The following DAB1 variants were observed in gnomAD, a reference collection of about 807,000 sequenced individuals.
The protein encoded by DAB1 is disabled homolog 1.
A neutral mutation model predicts 64.6 loss-of-function variants in DAB1; 15 were observed. That is an observed-to-expected ratio of 0.23 (90% CI 0.16 to 0.36). DAB1 has a LOEUF of 0.36. Ranked by LOEUF, DAB1 falls within the 10% of genes least tolerant of loss-of-function variation. The pLI, the probability that DAB1 is intolerant of heterozygous loss-of-function variation, is 1.00. For missense variants in DAB1, 596 were observed against 706.7 expected, an observed-to-expected ratio of 0.84 and a Z score of 1.78; for synonymous variants, 235 against 251.9, an observed-to-expected ratio of 0.93 and a Z score of 0.64.
At chr1:58,435,368 T>C (rs1469941778) in intron 3 of DAB1, among the ~76,000 whole-genome samples, 1 of 152,196 alleles carries the variant, frequency 6.6e-6, no homozygotes, top group Non-Finnish European at 1.5e-5. Flanking sequence ...CCTTACTCTA[T>C]ATGCTTTCCA....
chr1:57,650,290 G>A (rs1646241161), intron 6 of DAB1, among the ~76,000 whole-genome samples: 1 of 149,142 alleles, frequency 6.7e-6, no homozygotes, highest in African/African-American at 2.4e-5. Flanking sequence ...GGCTACAGGT[G>A]TGCCACCACG....
chr1:57,520,298 G>T (rs565342664), intron 7 of DAB1, among the ~76,000 whole-genome samples: 2 of 152,234 alleles, frequency 1.3e-5, no homozygotes, highest in Admixed American at 1.3e-4. Flanking sequence ...GATATTTACT[G>T]TCTCATTCTA....
intron 2 of DAB1, among the ~76,000 whole-genome samples, chr1:57,202,865 C>G (rs1382393297): frequency 6.6e-6 from 1 of 152,140 alleles, no homozygotes; most frequent in East Asian, 1.9e-4. Flanking sequence ...TGAACTTATC[C>G]CCTCTTCACA....
chr1:58,494,055 G>A (rs1416178653), intron 3 of DAB1, among the ~76,000 whole-genome samples: 1 of 152,034 alleles, frequency 6.6e-6, no homozygotes, highest in Non-Finnish European at 1.5e-5. Context: ...GCATGGTACT[G>A]GTACCAAAAC....
intron 1 of DAB1, among the ~76,000 whole-genome samples, chr1:57,332,704 A>T (rs888749318): frequency 1.3e-5 from 2 of 152,210 alleles, no homozygotes; most frequent in African/African-American, 4.8e-5. Context: ...AATGTACATG[A>T]GGCAGGGCTT....
At chr1:58,461,686 T>C (rs1009615394) in intron 3 of DAB1, among the ~76,000 whole-genome samples, 1 of 152,092 alleles carries the variant, frequency 6.6e-6, no homozygotes, top group Admixed American at 6.5e-5. Flanking sequence ...ACAATGGTGG[T>C]TCTACGAGCA....
intron 1 of DAB1, among the ~76,000 whole-genome samples, chr1:57,388,768 C>T (rs796688954): frequency 2.6e-5 from 4 of 152,146 alleles, no homozygotes; most frequent in African/African-American, 7.2e-5. Context: ...TCTTCTTATC[C>T]CTCTTGTTTA....
chr1:57,633,460 T>G (rs1570690946), intron 7 of DAB1, among the ~76,000 whole-genome samples: 1 of 152,238 alleles, frequency 6.6e-6, no homozygotes, highest in East Asian at 1.9e-4. Context: ...GGTGGGCAAG[T>G]GGATTGCAAG....
intron 6 of DAB1, among the ~76,000 whole-genome samples, chr1:57,763,447 G>A (rs773887641): frequency 3.9e-5 from 6 of 152,160 alleles, no homozygotes; most frequent in South Asian, 2.1e-4. Flanking sequence ...TGGGGCTGAG[G>A]CAGGAGGATC....
chr1:57,548,985 A>T (rs1035056296), intron 7 of DAB1, among the ~76,000 whole-genome samples: 4 of 152,204 alleles, frequency 2.6e-5, no homozygotes, highest in South Asian at 2.1e-4. Context: ...CTTTAATAAC[A>T]TGCCCAAATG....
At chr1:57,788,339 C>A (rs538158207) in intron 6 of DAB1, among the ~76,000 whole-genome samples, 1 of 152,104 alleles carries the variant, frequency 6.6e-6, no homozygotes, top group African/African-American at 2.4e-5. Context: ...TACCACCCAG[C>A]AATAAACAGG....
At chr1:57,999,034 A>G (rs2100398248) in intron 5 of DAB1, among the ~76,000 whole-genome samples, 1 of 152,320 alleles carries the variant, frequency 6.6e-6, no homozygotes, top group Admixed American at 6.5e-5. Context: ...CCTCTTCTTT[A>G]AAAATGGGAG....
intron 6 of DAB1, among the ~76,000 whole-genome samples, chr1:57,742,932 T>C (rs1279000836): frequency 6.6e-6 from 1 of 152,188 alleles, no homozygotes; most frequent in Non-Finnish European, 1.5e-5. Context: ...ACCCAAAGTA[T>C]GCCATACCCA....
intron 11 of DAB1, among the ~76,000 whole-genome samples, chr1:57,017,320 A>G (rs1646466511): frequency 1.3e-5 from 2 of 152,102 alleles, no homozygotes; most frequent in African/African-American, 2.4e-5. Context: ...GAGGCAGTGT[A>G]CCAGGAAAAA....
chr1:57,630,280 G>A (rs560280568), intron 7 of DAB1, among the ~76,000 whole-genome samples: 2 of 152,114 alleles, frequency 1.3e-5, no homozygotes, highest in African/African-American at 2.4e-5. Flanking sequence ...GATCTTGAGA[G>A]GTCATCTGGA....
chr1:57,562,429 C>T (rs1419428355), intron 7 of DAB1, among the ~76,000 whole-genome samples: 8 of 152,206 alleles, frequency 5.3e-5, no homozygotes, highest in Non-Finnish European at 1.2e-4. Flanking sequence ...ATGGAATTTA[C>T]AATTCACTGG....
intron 6 of DAB1, among the ~76,000 whole-genome samples, chr1:57,773,588 G>A (rs1430644183): frequency 6.6e-6 from 1 of 151,838 alleles, no homozygotes; most frequent in African/African-American, 2.4e-5. Flanking sequence ...CTACCCCAAG[G>A]TTATGAATAT....
intron 3 of DAB1, among the ~76,000 whole-genome samples, chr1:58,353,535 T>A (rs1201405562): frequency 1.3e-5 from 2 of 152,176 alleles, no homozygotes; most frequent in African/African-American, 4.8e-5. Context: ...TAGTTGTTTA[T>A]CGAGTTTAAA....
intron 6 of DAB1, among the ~76,000 whole-genome samples, chr1:57,732,171 A>G (rs1417425077): frequency 1.3e-5 from 2 of 150,622 alleles, no homozygotes; most frequent in African/African-American, 2.4e-5. Flanking sequence ...TCCCAGGGCA[A>G]TTATTGTGGG....
Sources: allele counts gnomAD v4.1 joint callset (sites outside exome capture counted in the v4.1 genomes callset), GRCh38; gene constraint gnomAD v4.1.1; transcripts MANE v1.5; gene names NCBI Gene and HGNC (gene_info 2026-07-23, HGNC 2026-07-21).